KCNIP4: variants seen among roughly 807,000 people sequenced by gnomAD.
The protein encoded by KCNIP4 is potassium voltage-gated channel interacting protein 4, also known as Kv channel-interacting protein 4.
Under a neutral mutation model 34.0 loss-of-function variants are expected in KCNIP4, and 12 were observed. The ratio of observed to expected loss-of-function variants is 0.35; its 90% CI spans 0.23 to 0.57. The LOEUF is 0.57. Among genes scored for constraint, KCNIP4 ranks in the 20% least tolerant of loss-of-function variants. The probability of loss-of-function intolerance (pLI) is 0.83; values close to 1 mark genes in which losing one functional copy is unlikely to be tolerated. For missense variants in KCNIP4, 238 were observed against 311.7 expected (o/e 0.76, Z 1.78); for synonymous variants, 124 against 102.2 (o/e 1.21, Z -1.29).
At chr4:21,277,638 C>A (rs1762519117) in intron 1 of KCNIP4, among the ~76,000 whole-genome samples, 1 of 152,086 alleles carries the variant, frequency 6.6e-6, no homozygotes, top group Non-Finnish European at 1.5e-5. Context: ...GCTGCAAAGT[C>A]AGAGGTAAAC....
At chr4:20,865,572 T>G (rs1028631634) in intron 2 of KCNIP4, among the ~76,000 whole-genome samples, 1 of 152,020 alleles carries the variant, frequency 6.6e-6, no homozygotes, top group Non-Finnish European at 1.5e-5. Flanking sequence ...TGAATGAACC[T>G]GGAGGACCTT....
rs528035895 is a variant in KCNIP4 at position 21,374,771 on chromosome 4, TTAGGGAG to T, written c.62-492069_62-492063del. ...ACATTCCCCATGAACTACACTGGTATTAGGGAGACATTAGATACTCCCAGATATACTG... is the reference window on the plus strand; with the variant it reads ...ACATTCCCCATGAACTACACTGGTATACATTAGATACTCCCAGATATACTG... On this transcript the variant is annotated intron_variant, in intron 1 of 8. Coordinates refer to ENST00000382152, the MANE Select transcript of KCNIP4 (RefSeq NM_025221.6). 2.0e-3 allele frequency among the ~76,000 whole-genome samples: 294 copies of T among 147,478 alleles called. 57 individuals carry two copies. Among genetic ancestry groups the T allele is most frequent in the African/African-American group, 7.7e-3 (287 of 37,124 alleles).
At chr4:21,170,862 T>C (rs1181929497) in intron 1 of KCNIP4, among the ~76,000 whole-genome samples, 2 of 152,232 alleles carry the variant, frequency 1.3e-5, no homozygotes, top group Non-Finnish European at 2.9e-5. Context: ...ATTTGTTTTC[T>C]AATTTTTCTT....
intron 1 of KCNIP4, among the ~76,000 whole-genome samples, chr4:20,921,452 G>A (rs1311766288): frequency 6.6e-6 from 1 of 152,146 alleles, no homozygotes; most frequent in Non-Finnish European, 1.5e-5. Context: ...AGGTAGATAT[G>A]CAGATAAGAG....
chr4:21,909,557 A>G (rs1728184671), intron 1 of KCNIP4, among the ~76,000 whole-genome samples: 1 of 151,996 alleles, frequency 6.6e-6, no homozygotes, highest in South Asian at 2.1e-4. Flanking sequence ...CTTTGGGTTT[A>G]CTCGTGTGTT....
intron 1 of KCNIP4, among the ~76,000 whole-genome samples, chr4:21,696,096 A>T (rs1271814324): frequency 1.3e-5 from 2 of 152,148 alleles, no homozygotes; most frequent in Non-Finnish European, 2.9e-5. Flanking sequence ...TTACCTAAAG[A>T]TTAAAATGCG....
At chr4:21,075,915 T>C (rs1745447445) in intron 1 of KCNIP4, among the ~76,000 whole-genome samples, 1 of 152,142 alleles carries the variant, frequency 6.6e-6, no homozygotes, top group South Asian at 2.1e-4. Flanking sequence ...TTTGGCTGGA[T>C]ATGAAATTCT....
At chr4:21,023,019 C>T (rs909188972) in intron 1 of KCNIP4, among the ~76,000 whole-genome samples, 1 of 152,078 alleles carries the variant, frequency 6.6e-6, no homozygotes, top group Non-Finnish European at 1.5e-5. Context: ...GACAGGGTTT[C>T]ACCATGTTGG....
intron 1 of KCNIP4, among the ~76,000 whole-genome samples, chr4:21,208,153 T>C (rs1756981410): frequency 6.6e-6 from 1 of 152,188 alleles, no homozygotes; most frequent in Admixed American, 6.5e-5. Context: ...ATATTTACTT[T>C]CTAGTCATTG....
In KCNIP4 at chr4:21,349,624, C is replaced by T. The variant is rs75977973; in HGVS notation, c.62-466915G>A. Among the ~76,000 whole-genome samples the T allele has an allele frequency of 5.3e-5, 8 of 152,018 alleles. No individual in the cohort carries two copies. In the East Asian group the frequency reaches 1.5e-3, roughly 29 times the overall value. ...GGCCCTTACAAATAATTGGGATTCCCACCAGTGACTAGTTATACCCCAAGG... is the reference window on the plus strand; with the variant it reads ...GGCCCTTACAAATAATTGGGATTCCTACCAGTGACTAGTTATACCCCAAGG... On this transcript the variant is annotated intron_variant, in intron 1 of 8. Transcript: ENST00000382152.
intron 1 of KCNIP4, among the ~76,000 whole-genome samples, chr4:21,255,421 C>A (rs1355737516): frequency 6.6e-6 from 1 of 152,064 alleles, no homozygotes; most frequent in Non-Finnish European, 1.5e-5. Context: ...CCCAATGCTG[C>A]TCTCCTTAAA....
intron 1 of KCNIP4, among the ~76,000 whole-genome samples, chr4:21,597,171 G>C (rs1742717564): frequency 6.6e-6 from 1 of 152,036 alleles, no homozygotes; most frequent in African/African-American, 2.4e-5. Flanking sequence ...CCTGGTGGGA[G>C]ATAATTGCAT....
At chr4:21,873,238 G>A (rs888303960) in intron 1 of KCNIP4, among the ~76,000 whole-genome samples, 1 of 152,128 alleles carries the variant, frequency 6.6e-6, no homozygotes. Context: ...TACTTGAAAC[G>A]AGCTTGTAGT....
At chr4:21,235,421 A>T (rs1211096071) in intron 1 of KCNIP4, among the ~76,000 whole-genome samples, 2 of 152,032 alleles carry the variant, frequency 1.3e-5, no homozygotes. Flanking sequence ...TTTGTCAAAC[A>T]TTTGGCGAGT....
intron 3 of KCNIP4, among the ~76,000 whole-genome samples, chr4:20,760,371 C>T (rs956316427): frequency 6.6e-6 from 1 of 152,172 alleles, no homozygotes; most frequent in African/African-American, 2.4e-5. Flanking sequence ...GCATCTTTAT[C>T]AATCACCTAT....
chr4:21,182,180 A>G (rs1380149717), intron 1 of KCNIP4, among the ~76,000 whole-genome samples: 1 of 152,136 alleles, frequency 6.6e-6, no homozygotes, highest in Non-Finnish European at 1.5e-5. Flanking sequence ...GACACATTAG[A>G]TGCAGGATGC....
At chr4:21,306,211 C>A (rs1201691104) in intron 1 of KCNIP4, among the ~76,000 whole-genome samples, 1 of 152,146 alleles carries the variant, frequency 6.6e-6, no homozygotes, top group Non-Finnish European at 1.5e-5. Context: ...TGGTGAATGA[C>A]GGAACCAAGC....
rs185553348 is a variant in KCNIP4, at chr4:21,676,103, T to C, written c.61+272468A>G. ...GGTCTCAGGTTTCTCTGAAAAATGA[T>C]GGGACTAGGGTGGAGCGTCACTGTG... On this transcript the variant is annotated intron_variant, in intron 1 of 8. Coordinates refer to ENST00000382152, the MANE Select transcript of KCNIP4 (RefSeq NM_025221.6). 3.0e-4 allele frequency among the ~76,000 whole-genome samples: 45 copies of C among 152,290 alleles called. 2 individuals carry two copies. The highest frequency in any genetic ancestry group is 2.7e-3 in the Admixed American group (41 of 15,288).
At position 21,254,519 on chromosome 4, in the gene KCNIP4, C is replaced by T. The variant is rs539625763; in HGVS notation, c.62-371810G>A. Among the ~76,000 whole-genome samples the T allele has an allele frequency of 1.8e-4, 27 of 152,272 alleles. No homozygotes were observed. The South Asian group carries it at 5.2e-3, about 29-fold the overall frequency. ...ATCATTCCTCCAAGTTATTCTTATG[C>T]ATTTCATTTTTATTTTTAATTGACA... On this transcript the variant is annotated intron_variant, in intron 1 of 8. Transcript: ENST00000382152.
Sources: allele counts gnomAD v4.1 joint callset (sites outside exome capture counted in the v4.1 genomes callset), GRCh38; gene constraint gnomAD v4.1.1; transcripts MANE v1.5; gene names NCBI Gene and HGNC (gene_info 2026-07-23, HGNC 2026-07-21).